The following NPAS1 variants were observed in gnomAD, a reference collection of about 807,000 sequenced individuals.
NPAS1 encodes the protein neuronal PAS domain-containing protein 1.
In NPAS1, 29 loss-of-function variants were observed where a neutral mutation model predicts 49.2. That is an observed-to-expected ratio of 0.59 (90% CI 0.44 to 0.80). NPAS1 has a LOEUF of 0.80. Among genes scored for constraint, NPAS1 ranks in the 30% least tolerant of loss-of-function variants. The pLI, the probability that NPAS1 is intolerant of heterozygous loss-of-function variation, is 0.00. For synonymous variants in NPAS1, 408 were observed against 380.4 expected, an observed-to-expected ratio of 1.07 and a Z score of -0.84; for missense variants, 825 against 835.5, an observed-to-expected ratio of 0.99 and a Z score of 0.15.
rs1304095509 is a variant in NPAS1 at position 47,035,987 on chromosome 19, C to T, written c.546C>T (p.Val182=). The change falls in exon 6 of 12, where the codon GTC becomes GTT. Residue 182 remains valine (V), a synonymous_variant. Transcript: ENST00000602212. ...LSQVEMTGSS[V]FDYIHPGDHS... ...AGGTGGAGATGACGGGCAGCAGCGT[C>T]TTCGACTACATTCACCCTGGGGACC... The T allele has an allele frequency of 6.5e-7, 1 of 1,541,676 alleles. No homozygotes were observed. The highest frequency in any genetic ancestry group is 8.7e-7 in the Non-Finnish European group (1 of 1,145,808).
Position 47,033,975 on chromosome 19 carries a change from TAAAAAAAAAAAAAAAAAAA to T in NPAS1, c.522+1271_522+1289del, listed in dbSNP as rs532811476. Among the ~76,000 whole-genome samples, 206 of 100,780 alleles carry T rather than the reference TAAAAAAAAAAAAAAAAAAA, an allele frequency of 2.0e-3. 3 individuals carry two copies. The highest frequency in any genetic ancestry group is 2.8e-3 in the South Asian group (6 of 2,136). 66.1% of individuals were successfully genotyped at this position (100,780 alleles called of 152,430 possible). A position where few individuals can be genotyped will look rare whatever the true frequency, so the allele number is the denominator to read the frequency against. On this transcript the variant is annotated intron_variant, in intron 5 of 11. Transcript: ENST00000602212. ...TGGACAACAAAGTGAGGCTATGCCTTAAAAAAAAAAAAAAAAAAAAAAAAAAAAAAAAAAAAAAAAAAAA... is the reference window on the plus strand; with the variant it reads ...TGGACAACAAAGTGAGGCTATGCCTTAAAAAAAAAAAAAAAAAAAAAAAAA...
rs1221542918 is a variant in NPAS1 at position 47,045,266 on chromosome 19, T to A, written c.1388T>A (p.Ile463Asn). The change falls in exon 12 of 12, where the codon ATC (isoleucine) becomes AAC (asparagine). Residue 463 changes from isoleucine to asparagine, a missense_variant. Transcript: ENST00000602212. ...GCCCCCCAGACCCAGGGCAAACGCA[T>A]CAAAGTGGAGCCCGGCCCGAGGGAA... ...NEAPQTQGKR[I>N]KVEPGPRETK... is the part of the protein sequence containing the mutation. 1 of 1,613,750 alleles carries A rather than the reference T, an allele frequency of 6.2e-7. No homozygotes were observed. The highest frequency in any genetic ancestry group is 1.3e-5 in the African/African-American group (1 of 74,950).
In NPAS1 at chr19:47,040,533, G is replaced by A. The variant is rs1424091577; in HGVS notation, c.1052G>A (p.Arg351His). The A allele has an allele frequency of 7.5e-6, 12 of 1,590,100 alleles. No homozygotes were observed. The highest frequency in any genetic ancestry group is 2.3e-5 in the South Asian group (2 of 87,488). The change falls in exon 9 of 12, where the codon CGC (arginine) becomes CAC (histidine). Residue 351 changes from arginine (R) to histidine (H), a missense_variant. By Grantham distance (29) the Arg-to-His change is conservative. Transcript: ENST00000602212. Reference protein sequence around the residue: ...FVHGQDATRIRQSHVDLLDKG... With the variant: ...FVHGQDATRIHQSHVDLLDKG... Reference sequence around the variant, plus strand: ...CACGGACAGGACGCCACGAGGATCCGCCAGAGCCACGTGGACTGTGAGACC... The same window carrying A: ...CACGGACAGGACGCCACGAGGATCCACCAGAGCCACGTGGACTGTGAGACC...
chr19:47,040,864 TCCCTGCCCACTC>T, intron 9 of NPAS1, 102 bp from the exon 10 acceptor site: 1 of 868,106 alleles, frequency 1.2e-6, no homozygotes, highest in Non-Finnish European at 1.7e-6. Context: ...CCCCACCGTC[TCCCTGCCCACTC>T]CCCTGCTCTC....
rs1370816120 is a variant in NPAS1 at position 47,032,741 on chromosome 19, C to A, written c.522+9C>A. 3 of 1,603,024 alleles carry A rather than the reference C, an allele frequency of 1.9e-6. No homozygotes were observed. The highest frequency in any genetic ancestry group is 1.1e-5 in the South Asian group (1 of 90,834). On this transcript the variant is annotated intron_variant, in intron 5 of 11. Transcript: ENST00000602212. ...ATCTGGGTCTCTCACAGGTAAGGGACCCCCAGTGGACCTGGATTGGCTCAG... is the reference window on the plus strand; with the variant it reads ...ATCTGGGTCTCTCACAGGTAAGGGAACCCCAGTGGACCTGGATTGGCTCAG...
At position 47,045,505 on chromosome 19, in the gene NPAS1, C is replaced by T. The variant is rs770313565; in HGVS notation, c.1627C>T (p.Arg543Cys). 16 of 1,548,846 alleles carry T rather than the reference C, an allele frequency of 1.0e-5. No homozygotes were observed. Among genetic ancestry groups the T allele is most frequent in the South Asian group, 1.2e-5 (1 of 85,542 alleles). The part of the protein sequence containing the change: ...VRGLCTPGTI[R>C]YGPAELGLVY... Reference sequence around the variant, plus strand: ...GGGCCTGTGCACACCCGGCACCATCCGCTACGGCCCCGCGGAGCTGGGCCT... The same window carrying T: ...GGGCCTGTGCACACCCGGCACCATCTGCTACGGCCCCGCGGAGCTGGGCCT... Residue 543 changes from arginine (R) to cysteine (C), a missense_variant, in exon 12 of 12, where the codon CGC (arginine) becomes TGC (cysteine). Transcript: ENST00000602212.
At chr19:47,029,054 A>G (rs1011820219) in intron 3 of NPAS1, among the ~76,000 whole-genome samples, 1 of 138,072 alleles carries the variant, frequency 7.2e-6, no homozygotes, top group Non-Finnish European at 1.6e-5. Flanking sequence ...TTTTTTTTTT[A>G]GTTTTTGTTT....
At chr19:47,034,024 G>A (rs1258907437) in intron 5 of NPAS1, among the ~76,000 whole-genome samples, 39 of 105,466 alleles carry the variant, frequency 3.7e-4, no homozygotes, top group African/African-American at 1.3e-3. Flanking sequence ...AAAAAAAAGG[G>A]CCGGGCGCGG....
At position 47,045,224 on chromosome 19, in the gene NPAS1, C is replaced by T. The variant is rs1050741; in HGVS notation, c.1346C>T (p.Ala449Val). ...PEPPTEGKQA[A>V]PAENEAPQTQ... ...CCTCCGACGGAAGGGAAGCAGGCTG[C>T]CCCAGCGGAGAACGAGGCCCCCCAG... The change falls in exon 12 of 12, where the codon GCC becomes GTC. Residue 449 changes from alanine to valine, a missense_variant. Ala to Val is a moderately conservative substitution (Grantham distance 64). Coordinates refer to ENST00000602212, the MANE Select transcript of NPAS1 (RefSeq NM_002517.4). The T allele has an allele frequency of 6.2e-7, 1 of 1,613,690 alleles. No homozygotes were observed. The highest frequency in any genetic ancestry group is 8.5e-7 in the Non-Finnish European group (1 of 1,179,958).
intron 11 of NPAS1, among the ~76,000 whole-genome samples, 166 bp from the exon 12 acceptor site, chr19:47,045,025 G>T (rs1052310427): frequency 5.3e-5 from 8 of 150,440 alleles, no homozygotes; most frequent in Non-Finnish European, 1.2e-4. Flanking sequence ...GCAAGACTCC[G>T]TCTCACAAAA....
intron 3 of NPAS1, among the ~76,000 whole-genome samples, chr19:47,024,965 G>C (rs533356404): frequency 6.6e-6 from 1 of 150,804 alleles, no homozygotes. Context: ...GCCTGCCACC[G>C]CGCCTGGCTA....
chr19:47,041,810 A>G (rs920889366), intron 10 of NPAS1, among the ~76,000 whole-genome samples: 2 of 151,738 alleles, frequency 1.3e-5, no homozygotes. Context: ...TCCCATCTCT[A>G]TTAAAAAAAA....
intron 3 of NPAS1, among the ~76,000 whole-genome samples, chr19:47,029,786 G>A (rs999845943): frequency 1.3e-5 from 2 of 152,168 alleles, no homozygotes; most frequent in Non-Finnish European, 2.9e-5. Flanking sequence ...CTATGAACAC[G>A]CATGTACATG....
At chr19:47,035,340 T>C (rs1182334116) in intron 5 of NPAS1, 1 of 152,260 alleles carries the variant, frequency 6.6e-6, no homozygotes, top group Non-Finnish European at 1.5e-5. Context: ...ATGGGAGTCA[T>C]GGCAGCCATG....
chr19:47,045,093 G>A, intron 11 of NPAS1, 98 bp from the exon 12 acceptor site: 1 of 1,151,104 alleles, frequency 8.7e-7, no homozygotes, highest in Non-Finnish European at 1.2e-6. Flanking sequence ...TCCCAGCTGA[G>A]AACTACAGGT....
intron 5 of NPAS1, among the ~76,000 whole-genome samples, chr19:47,034,857 C>T (rs1211305286): frequency 1.3e-5 from 2 of 151,572 alleles, no homozygotes; most frequent in African/African-American, 2.4e-5. Context: ...GCCTGGGCAA[C>T]GAGAGCAAAA....
intron 5 of NPAS1, among the ~76,000 whole-genome samples, chr19:47,034,151 C>CA (rs1277182472): frequency 6.6e-6 from 1 of 150,620 alleles, no homozygotes; most frequent in Non-Finnish European, 1.5e-5. Context: ...TACTAAAAAA[C>CA]AAAAAATACA....
At chr19:47,034,021 A>G (rs1417705529) in intron 5 of NPAS1, among the ~76,000 whole-genome samples, 3 of 84,340 alleles carry the variant, frequency 3.6e-5, no homozygotes, top group Non-Finnish European at 4.9e-5. Flanking sequence ...AAAAAAAAAA[A>G]GGGCCGGGCG....
rs536883038 is a variant in NPAS1 at position 47,045,426 on chromosome 19, C to T, written c.1548C>T (p.Pro516=). The T allele has an allele frequency of 1.2e-6, 2 of 1,606,266 alleles. No homozygotes were observed. Among genetic ancestry groups the T allele is most frequent in the South Asian group, 1.1e-5 (1 of 90,420 alleles). ...TGCGGCCATGGGGCCTGGCGCCTCC[C>T]GGGGACCCCCCGCCCACCCTCCTGC... The part of the protein sequence containing the change: ...DPVRPWGLAP[P]GDPPPTLLHA... Residue 516 remains proline (P), a synonymous_variant, in exon 12 of 12, where the codon CCC becomes CCT. Transcript: ENST00000602212.
Sources: gnomAD v4.1 joint callset for allele counts (sites outside exome capture counted in the v4.1 genomes callset) on GRCh38, gnomAD v4.1.1 for gene constraint, MANE v1.5 for transcripts, NCBI Gene and HGNC (gene_info 2026-07-23, HGNC 2026-07-21) for gene names.